NRG2: variants seen among roughly 807,000 people sequenced by gnomAD.
NRG2 encodes the protein pro-neuregulin-2, membrane-bound isoform.
A neutral mutation model predicts 73.9 loss-of-function variants in NRG2; 27 were observed. That is an observed-to-expected ratio of 0.37 (90% CI 0.27 to 0.50). The LOEUF (loss-of-function observed/expected upper bound fraction) is 0.50. Ranked by LOEUF, NRG2 falls within the 20% of genes least tolerant of loss-of-function variation. The probability of loss-of-function intolerance (pLI) is 0.96; values close to 1 mark genes in which losing one functional copy is unlikely to be tolerated. For synonymous variants in NRG2, 532 were observed against 541.0 expected (o/e 0.98, Z 0.23); for missense variants, 1,126 against 1,210.1 (o/e 0.93, Z 1.03).
intron 1 of NRG2, among the ~76,000 whole-genome samples, chr5:139,930,537 T>C (rs1337207178): frequency 6.6e-6 from 1 of 152,222 alleles, no homozygotes; most frequent in East Asian, 1.9e-4. Flanking sequence ...CCCTTTGGTT[T>C]GTGTTTCCTC....
At chr5:140,030,930 G>A (rs1020912974) in intron 1 of NRG2, among the ~76,000 whole-genome samples, 7 of 152,056 alleles carry the variant, frequency 4.6e-5, no homozygotes, top group African/African-American at 1.2e-4. Context: ...TAGCCTTTTT[G>A]GAGAAAGGAT....
chr5:139,921,485 A>G (rs1448597556), intron 1 of NRG2, among the ~76,000 whole-genome samples: 1 of 152,226 alleles, frequency 6.6e-6, no homozygotes, highest in Admixed American at 6.5e-5. Context: ...CAAAGGCAAT[A>G]CAATGGAGCA....
At chr5:139,849,222 G>A (rs925685959) in intron 9 of NRG2, among the ~76,000 whole-genome samples, 6 of 152,202 alleles carry the variant, frequency 3.9e-5, no homozygotes, top group Admixed American at 1.3e-4. Flanking sequence ...CAGCCAAGAA[G>A]TGGCAGAGCT....
intron 1 of NRG2, among the ~76,000 whole-genome samples, chr5:140,001,754 T>C (rs1364073031): frequency 6.6e-6 from 1 of 151,940 alleles, no homozygotes; most frequent in Non-Finnish European, 1.5e-5. Flanking sequence ...TCCTAGCTAC[T>C]TGGGAGGCTG....
At position 139,992,882 on chromosome 5, in the gene NRG2, G is replaced by A. The variant is rs1029237240; in HGVS notation, c.700+49488C>T. 4.0e-5 allele frequency among the ~76,000 whole-genome samples: 6 copies of A among 151,796 alleles called. No homozygotes were observed. The South Asian group carries it at 1.2e-3, about 32-fold the overall frequency. ...CCTCCTTACTGTTTTCTCATAGTTC[G>A]CTCACCCAGCCATGAATCTTAAACA... On this transcript the variant is annotated intron_variant, in intron 1 of 9. Transcript: ENST00000361474.
chr5:139,859,335 C>T (rs574902894), intron 5 of NRG2, among the ~76,000 whole-genome samples: 36 of 152,128 alleles, frequency 2.4e-4, no homozygotes, highest in East Asian at 2.1e-3. Flanking sequence ...ATGGCAAAGC[C>T]AGGCAGACAG....
rs1248791825 is a variant in NRG2 at position 140,002,900 on chromosome 5, G to GTTTC, written c.700+39469_700+39470insGAAA. Among the ~76,000 whole-genome samples the GTTTC allele has an allele frequency of 2.6e-5, 4 of 152,314 alleles. No homozygotes were observed. In the East Asian group the frequency reaches 7.7e-4, roughly 29 times the overall value. On this transcript the variant is annotated intron_variant, in intron 1 of 9. Transcript: ENST00000361474. The stretch of plus-strand genomic sequence containing the variant: ...AGTTGGATTCTGGATGTATTCTGAA[G>GTTTC]GTAGAATGTACAGGATTTGTAAAAG...
At chr5:139,957,469 A>G (rs1187355353) in intron 1 of NRG2, among the ~76,000 whole-genome samples, 1 of 152,182 alleles carries the variant, frequency 6.6e-6, no homozygotes, top group Non-Finnish European at 1.5e-5. Flanking sequence ...GCAGCTGGGA[A>G]GGAGAGAAGG....
chr5:139,857,098 C>T (rs968499379), intron 5 of NRG2, among the ~76,000 whole-genome samples: 1 of 152,208 alleles, frequency 6.6e-6, no homozygotes, highest in Non-Finnish European at 1.5e-5. Flanking sequence ...GCTTCCTTCC[C>T]AGCTGCTCTC....
At chr5:139,942,010 G>A (rs765884324) in intron 1 of NRG2, among the ~76,000 whole-genome samples, 30 of 152,248 alleles carry the variant, frequency 2.0e-4, no homozygotes, top group Middle Eastern at 3.4e-3. Flanking sequence ...TACCAAATCC[G>A]TAGCAAAAGC....
intron 1 of NRG2, among the ~76,000 whole-genome samples, chr5:139,889,788 G>C (rs1282284696): frequency 6.6e-6 from 1 of 152,170 alleles, no homozygotes; most frequent in Non-Finnish European, 1.5e-5. Flanking sequence ...CTACTTGTTA[G>C]ATTTGTGTCC....
In NRG2 at chr5:139,865,977, C is replaced by T. The variant is rs1762447108; in HGVS notation, c.1113-352G>A. On this transcript the variant is annotated intron_variant, in intron 4 of 9. Transcript: ENST00000361474. This position sits in a 1 kb window ranked among gnomAD's most constrained non-coding sequence, Gnocchi z 5.2. ...AGCAAGCACTGTGGCCTCTTGGTGC[C>T]AGGCAGTCAGTCAGCTGGCAGGGAT... 6.6e-6 allele frequency among the ~76,000 whole-genome samples: 1 copy of T among 152,122 alleles called. No individual in the cohort carries two copies. The highest frequency in any genetic ancestry group is 6.5e-5 in the Admixed American group (1 of 15,280).
chr5:139,913,319 T>C (rs1024787537), intron 1 of NRG2, among the ~76,000 whole-genome samples: 3 of 152,230 alleles, frequency 2.0e-5, no homozygotes, highest in Non-Finnish European at 2.9e-5. Flanking sequence ...ATGAGTCTGG[T>C]GGCCTCTCCA....
chr5:139,940,000 C>T (rs1753266912), intron 1 of NRG2, among the ~76,000 whole-genome samples: 2 of 152,174 alleles, frequency 1.3e-5, no homozygotes, highest in Non-Finnish European at 2.9e-5. Context: ...CATGGAGCAA[C>T]TGGAACTCCT....
intron 1 of NRG2, among the ~76,000 whole-genome samples, chr5:139,971,975 A>G (rs1408660460): frequency 1.3e-5 from 2 of 152,216 alleles, no homozygotes; most frequent in African/African-American, 4.8e-5. Context: ...ACTGCCAGAT[A>G]CGAAAATGTA....
In NRG2 at chr5:139,904,166, A is replaced by T; in HGVS notation, c.701-16655T>A. 1.3e-6 allele frequency: 1 copy of T among 774,426 alleles called. No individual in the cohort carries two copies. Among genetic ancestry groups the T allele is most frequent in the Non-Finnish European group, 1.8e-6 (1 of 555,096 alleles). The allele number at this position is 774,426 out of a possible 1,614,324, so 48.0% of individuals were successfully genotyped here. On this transcript the variant is annotated intron_variant, in intron 1 of 9. Transcript: ENST00000361474. The surrounding 1 kb of genome is among the most constrained non-coding windows in gnomAD (Gnocchi z 6.0). Reference sequence around the variant, plus strand: ...CGGCCGCGACGACCCGCTCGCACGCAGGCACGCGCGCCCTCGGTGCCTGTC... The same window carrying T: ...CGGCCGCGACGACCCGCTCGCACGCTGGCACGCGCGCCCTCGGTGCCTGTC...
chr5:139,959,784 A>G (rs774698286), intron 1 of NRG2, among the ~76,000 whole-genome samples: 1 of 152,122 alleles, frequency 6.6e-6, no homozygotes, highest in Non-Finnish European at 1.5e-5. Context: ...AAGTGTTGGG[A>G]TTACAGGCGT....
At chr5:139,881,152 C>A (rs1332120870) in intron 2 of NRG2, among the ~76,000 whole-genome samples, 178 bp from the exon 3 acceptor site, 1 of 152,204 alleles carries the variant, frequency 6.6e-6, no homozygotes, top group Admixed American at 6.5e-5. Context: ...GGAGTCCCTG[C>A]AGCTGCAGGG....
intron 5 of NRG2, among the ~76,000 whole-genome samples, chr5:139,858,392 T>C (rs1761940873): frequency 6.6e-6 from 1 of 152,228 alleles, no homozygotes; most frequent in South Asian, 2.1e-4. Flanking sequence ...AAATCTTCCC[T>C]GACCACTTCG....
Sources: gnomAD v4.1 joint callset for allele counts (sites outside exome capture counted in the v4.1 genomes callset) on GRCh38, gnomAD v4.1.1 for gene constraint, Gnocchi (gnomAD v3.1) non-coding constraint, MANE v1.5 for transcripts, NCBI Gene and HGNC (gene_info 2026-07-23, HGNC 2026-07-21) for gene names.